The following EDIL3 variants were observed in gnomAD, a reference collection of about 807,000 sequenced individuals.
EDIL3 encodes EGF like and discoidin domains 3.
In EDIL3, 37 loss-of-function variants were observed where a neutral mutation model predicts 67.4. The ratio of observed to expected loss-of-function variants is 0.55; its 90% CI spans 0.42 to 0.72. EDIL3 has a LOEUF of 0.72. Ranked by LOEUF, EDIL3 falls within the 30% of genes least tolerant of loss-of-function variation. EDIL3 has a pLI of 0.00. For missense variants in EDIL3, 527 were observed against 586.3 expected, an observed-to-expected ratio of 0.90 and a Z score of 1.04; for synonymous variants, 195 against 196.3, an observed-to-expected ratio of 0.99 and a Z score of 0.05.
chr5:84,179,372 T>A (rs1748975720), intron 4 of EDIL3, among the ~76,000 whole-genome samples: 1 of 152,150 alleles, frequency 6.6e-6, no homozygotes, highest in Admixed American at 6.5e-5. Context: ...CAATTCCAAG[T>A]AGTTTAGATG....
chr5:84,030,440 G>C (rs1327871983), intron 9 of EDIL3, among the ~76,000 whole-genome samples: 2 of 152,060 alleles, frequency 1.3e-5, no homozygotes, highest in Non-Finnish European at 2.9e-5. Context: ...TGCATCAGGA[G>C]TTATTCTAAA....
chr5:84,154,901 T>C (rs190466854), intron 4 of EDIL3, among the ~76,000 whole-genome samples: 1 of 151,956 alleles, frequency 6.6e-6, no homozygotes, highest in Non-Finnish European at 1.5e-5. Context: ...AGTTTCACCA[T>C]GTTGACCAGG....
intron 1 of EDIL3, among the ~76,000 whole-genome samples, chr5:84,294,900 TCAA>T (rs1451217784): frequency 1.3e-5 from 2 of 152,180 alleles, no homozygotes; most frequent in East Asian, 3.8e-4. Context: ...CCCTACTTCA[TCAA>T]CAACAACTAC....
chr5:83,943,845 G>C (rs1476043112), intron 10 of EDIL3, among the ~76,000 whole-genome samples: 1 of 151,656 alleles, frequency 6.6e-6, no homozygotes, highest in South Asian at 2.1e-4. Context: ...AATACAACAG[G>C]TATTCATTTT....
At chr5:84,375,164 G>T (rs149433536) in intron 1 of EDIL3, among the ~76,000 whole-genome samples, 2 of 152,006 alleles carry the variant, frequency 1.3e-5, no homozygotes, top group South Asian at 4.2e-4. Context: ...TAGAGAAAGG[G>T]TTTCATCATG....
intron 1 of EDIL3, among the ~76,000 whole-genome samples, chr5:84,290,851 A>C (rs1745900106): frequency 6.6e-6 from 1 of 152,146 alleles, no homozygotes; most frequent in South Asian, 2.1e-4. Flanking sequence ...TCTCAAACCT[A>C]GCCAAAGATC....
intron 1 of EDIL3, among the ~76,000 whole-genome samples, chr5:84,273,422 T>C (rs1745513747): frequency 6.6e-6 from 1 of 152,184 alleles, no homozygotes; most frequent in Admixed American, 6.5e-5. Context: ...CTTTCCCACA[T>C]ACTTAAGTCC....
intron 9 of EDIL3, among the ~76,000 whole-genome samples, chr5:84,037,765 T>C (rs1428720239): frequency 2.0e-5 from 3 of 152,184 alleles, no homozygotes; most frequent in African/African-American, 7.2e-5. Context: ...GTTATGTTTC[T>C]GTAAACTTCC....
At chr5:84,008,013 A>G (rs942355971) in intron 9 of EDIL3, among the ~76,000 whole-genome samples, 1 of 152,164 alleles carries the variant, frequency 6.6e-6, no homozygotes, top group Non-Finnish European at 1.5e-5. Context: ...ACGTCAAATG[A>G]AAGAAGCTAG....
In EDIL3 at chr5:83,941,525, A is replaced by G. The variant is rs1049373947; in HGVS notation, c.*1894T>C. On this transcript the variant is annotated 3_prime_UTR_variant, in exon 11 of 11. Coordinates refer to ENST00000296591, the MANE Select transcript of EDIL3 (RefSeq NM_005711.5). ...ATATCTGATGGGACAGTAAACCTTG[A>G]AAGAAACTGGCTAAAGAGTAAGTGT... 1.3e-5 allele frequency: 2 copies of G among 152,046 alleles called. No homozygotes were observed. The highest frequency in any genetic ancestry group is 4.8e-5 in the African/African-American group (2 of 41,452). 9.4% of individuals were successfully genotyped at this position (152,046 alleles called of 1,614,324 possible).
intron 1 of EDIL3, among the ~76,000 whole-genome samples, chr5:84,314,515 G>A (rs989351399): frequency 1.3e-5 from 2 of 152,148 alleles, no homozygotes; most frequent in African/African-American, 2.4e-5. Flanking sequence ...TAATATAGAT[G>A]TACAGAAATA....
At chr5:84,048,987 A>G (rs1746281574) in intron 9 of EDIL3, among the ~76,000 whole-genome samples, 1 of 152,158 alleles carries the variant, frequency 6.6e-6, no homozygotes, top group Admixed American at 6.5e-5. Context: ...AGCAGAAGTA[A>G]AAAAGAAATT....
At chr5:84,146,305 C>G (rs1219165512) in intron 4 of EDIL3, among the ~76,000 whole-genome samples, 5 of 152,078 alleles carry the variant, frequency 3.3e-5, no homozygotes, top group Admixed American at 6.6e-5. Flanking sequence ...CAGAGTCACA[C>G]AGGTGGCCAA....
At chr5:84,210,394 TATAA>T (rs1358119481) in intron 3 of EDIL3, among the ~76,000 whole-genome samples, 8 of 152,088 alleles carry the variant, frequency 5.3e-5, no homozygotes, top group South Asian at 4.1e-4. Flanking sequence ...TTATTGCTTT[TATAA>T]ATAAATAAAT....
intron 9 of EDIL3, among the ~76,000 whole-genome samples, chr5:83,994,739 A>T (rs1268307852): frequency 1.3e-5 from 2 of 152,154 alleles, no homozygotes; most frequent in Non-Finnish European, 2.9e-5. Context: ...TTCCACCTAA[A>T]TTATGTGCAC....
chr5:84,085,685 C>T (rs1255743306), intron 6 of EDIL3, among the ~76,000 whole-genome samples: 1 of 152,194 alleles, frequency 6.6e-6, no homozygotes, highest in Non-Finnish European at 1.5e-5. Flanking sequence ...CAGTCTGTCC[C>T]TTAGCAGAGT....
intron 10 of EDIL3, among the ~76,000 whole-genome samples, chr5:83,960,092 T>A (rs1744581241): frequency 6.6e-6 from 1 of 151,050 alleles, no homozygotes; most frequent in Non-Finnish European, 1.5e-5. Flanking sequence ...TCTTCAATAG[T>A]AAATAATAAA....
intron 9 of EDIL3, among the ~76,000 whole-genome samples, chr5:84,053,159 C>T (rs1162490329): frequency 2.6e-5 from 4 of 152,178 alleles, no homozygotes; most frequent in African/African-American, 9.7e-5. Flanking sequence ...TAAACTCACT[C>T]AAAACCACTC....
intron 1 of EDIL3, among the ~76,000 whole-genome samples, chr5:84,317,284 G>C (rs888175978): frequency 6.6e-6 from 1 of 151,932 alleles, no homozygotes; most frequent in Non-Finnish European, 1.5e-5. Context: ...AGGAGATAGA[G>C]ACACAAAAAA....
Sources: allele counts gnomAD v4.1 joint callset (sites outside exome capture counted in the v4.1 genomes callset), GRCh38; gene constraint gnomAD v4.1.1; transcripts MANE v1.5; gene names NCBI Gene and HGNC (gene_info 2026-07-23, HGNC 2026-07-21).